The following SLC35F1 variants were observed in gnomAD, a reference collection of about 807,000 sequenced individuals.
SLC35F1 encodes chromosome 6 open reading frame 169.
In SLC35F1, 14 loss-of-function variants were observed where a neutral mutation model predicts 48.7. That is an observed-to-expected ratio of 0.29 (90% CI 0.19 to 0.45). SLC35F1 has a LOEUF of 0.45. Ranked by LOEUF, SLC35F1 falls within the 20% of genes least tolerant of loss-of-function variation. The probability of loss-of-function intolerance (pLI) is 1.00; values close to 1 mark genes in which losing one functional copy is unlikely to be tolerated. For synonymous variants in SLC35F1, 190 were observed against 202.2 expected (o/e 0.94, Z 0.51); for missense variants, 404 against 500.0 (o/e 0.81, Z 1.83).
At chr6:118,034,577 A>G (rs1447049105) in intron 1 of SLC35F1, among the ~76,000 whole-genome samples, 1 of 152,056 alleles carries the variant, frequency 6.6e-6, no homozygotes, top group African/African-American at 2.4e-5. Flanking sequence ...AAATAAATAA[A>G]TAAATAATCA....
chr6:118,081,478 A>T (rs1034423621), intron 1 of SLC35F1, among the ~76,000 whole-genome samples: 26 of 151,806 alleles, frequency 1.7e-4, no homozygotes, highest in African/African-American at 6.3e-4. Context: ...AAAAAATTTT[A>T]AAAAAAAATA....
chr6:118,307,241 ATGAAT>A (rs1337403839), intron 7 of SLC35F1, among the ~76,000 whole-genome samples: 12 of 152,208 alleles, frequency 7.9e-5, no homozygotes, highest in Non-Finnish European at 1.6e-4. Context: ...TTAAATTAAC[ATGAAT>A]TGAGATTCAA....
chr6:118,259,978 TC>T (rs1775692094), intron 3 of SLC35F1, among the ~76,000 whole-genome samples: 1 of 152,114 alleles, frequency 6.6e-6, no homozygotes, highest in African/African-American at 2.4e-5. Flanking sequence ...ACCTAAATGT[TC>T]ATCAACTGAG....
intron 1 of SLC35F1, among the ~76,000 whole-genome samples, chr6:117,959,262 G>A (rs1012586654): frequency 4.6e-5 from 7 of 152,158 alleles, no homozygotes; most frequent in Non-Finnish European, 1.0e-4. Context: ...GGGTATAGTA[G>A]TGCACTCTGA....
At chr6:117,923,856 ATATG>A (rs531216723) in intron 1 of SLC35F1, among the ~76,000 whole-genome samples, 1,698 of 115,158 alleles carry the variant, frequency 0.015, 52 homozygotes, top group African/African-American at 0.057. Context: ...ATGCACATAT[ATATG>A]TGTGTACATA....
intron 7 of SLC35F1, among the ~76,000 whole-genome samples, chr6:118,303,319 A>G (rs283059): frequency 0.086 from 13,161 of 152,274 alleles, 756 homozygotes; most frequent in African/African-American, 0.16. Flanking sequence ...TCCTTCCCCT[A>G]TGCAAAAGAA....
intron 1 of SLC35F1, among the ~76,000 whole-genome samples, chr6:117,950,634 A>C (rs1776352643): frequency 2.0e-5 from 3 of 152,220 alleles, no homozygotes; most frequent in Admixed American, 1.3e-4. Flanking sequence ...GACTTACTTC[A>C]AACATTCTTG....
chr6:117,961,054 G>T (rs1311809291), intron 1 of SLC35F1, among the ~76,000 whole-genome samples: 1 of 152,002 alleles, frequency 6.6e-6, no homozygotes, highest in Non-Finnish European at 1.5e-5. Flanking sequence ...TTAAAAAAAT[G>T]GAATGGAAAT....
Position 118,140,856 on chromosome 6 carries a change from A to G in SLC35F1, c.174-13589A>G, listed in dbSNP as rs1330594618. 2.0e-5 allele frequency among the ~76,000 whole-genome samples: 3 copies of G among 150,438 alleles called. No homozygotes were observed. In the Admixed American group the frequency reaches 2.0e-4, roughly 10 times the overall value. On this transcript the variant is annotated intron_variant, in intron 1 of 7. Coordinates refer to ENST00000360388, the MANE Select transcript of SLC35F1 (RefSeq NM_001029858.4). ...TTAAAAAGCAAAATAAATAATGTTA[A>G]AAGTAGAAATAAGCTTATAGAATAA...
At chr6:118,185,709 A>T (rs117156579) in intron 2 of SLC35F1, among the ~76,000 whole-genome samples, 2,407 of 152,208 alleles carry the variant, frequency 0.016, 30 homozygotes, top group Non-Finnish European at 0.021. Flanking sequence ...AGACAAGGCC[A>T]CCTAGACAAG....
chr6:117,995,235 T>A (rs1268822624), intron 1 of SLC35F1, among the ~76,000 whole-genome samples: 1 of 152,346 alleles, frequency 6.6e-6, no homozygotes, highest in South Asian at 2.1e-4. Context: ...TTTCTACCAC[T>A]GAAATGTATT....
intron 1 of SLC35F1, among the ~76,000 whole-genome samples, chr6:118,078,289 T>C (rs1335604573): frequency 6.6e-6 from 1 of 152,172 alleles, no homozygotes; most frequent in Non-Finnish European, 1.5e-5. Context: ...GAAAACCTCA[T>C]AGACCACTAA....
At chr6:118,028,465 A>G (rs1462562932) in intron 1 of SLC35F1, among the ~76,000 whole-genome samples, 1 of 152,134 alleles carries the variant, frequency 6.6e-6, no homozygotes, top group Non-Finnish European at 1.5e-5. Flanking sequence ...TGAATCATAT[A>G]CTTTGAAAGG....
intron 7 of SLC35F1, among the ~76,000 whole-genome samples, chr6:118,297,878 G>A (rs1366221915): frequency 6.6e-6 from 1 of 150,994 alleles, no homozygotes; most frequent in African/African-American, 2.4e-5. Flanking sequence ...CAATGTTGGA[G>A]GTGGGGCCTT....
intron 1 of SLC35F1, among the ~76,000 whole-genome samples, chr6:117,914,062 C>G (rs544548702): frequency 8.6e-5 from 13 of 151,656 alleles, no homozygotes; most frequent in African/African-American, 3.1e-4. Context: ...AAAAAATCCC[C>G]CCAAAAACAA....
chr6:118,124,812 A>G (rs971765401), intron 1 of SLC35F1, among the ~76,000 whole-genome samples: 2 of 152,204 alleles, frequency 1.3e-5, no homozygotes, highest in African/African-American at 4.8e-5. Context: ...GTATTGCTAA[A>G]AACCTGAACT....
chr6:118,261,889 T>G (rs1199238097), intron 3 of SLC35F1, among the ~76,000 whole-genome samples: 1 of 152,098 alleles, frequency 6.6e-6, no homozygotes, highest in Non-Finnish European at 1.5e-5. Context: ...CTGGTAGCAT[T>G]GCTAAGGGGA....
At chr6:118,103,352 T>G (rs1199736931) in intron 1 of SLC35F1, among the ~76,000 whole-genome samples, 1 of 152,214 alleles carries the variant, frequency 6.6e-6, no homozygotes, top group East Asian at 1.9e-4. Context: ...ATGTGCCATG[T>G]TGATGTGCTG....
chr6:118,251,054 G>A (rs897942307), intron 3 of SLC35F1, among the ~76,000 whole-genome samples: 8 of 152,102 alleles, frequency 5.3e-5, no homozygotes, highest in Admixed American at 3.9e-4. Flanking sequence ...TTGGGAGGCC[G>A]AGGCGGGCAG....
Sources: allele counts gnomAD v4.1 joint callset (sites outside exome capture counted in the v4.1 genomes callset), GRCh38; gene constraint gnomAD v4.1.1; transcripts MANE v1.5; gene names NCBI Gene and HGNC (gene_info 2026-07-23, HGNC 2026-07-21).